SPTB: variants seen among roughly 807,000 people sequenced by gnomAD.
The protein encoded by SPTB is spectrin beta, erythrocytic, also known as spectrin beta chain, erythrocytic.
In SPTB, 45 loss-of-function variants were observed where a neutral mutation model predicts 256.2. The ratio of observed to expected loss-of-function variants is 0.18; its 90% confidence interval spans 0.14 to 0.23. The LOEUF (loss-of-function observed/expected upper bound fraction) is 0.23, where lower values mean the gene tolerates loss of function less well. Among genes scored for constraint, SPTB ranks in the 10% least tolerant of loss-of-function variants. The probability of loss-of-function intolerance (pLI) is 1.00; values close to 1 mark genes in which losing one functional copy is unlikely to be tolerated. For synonymous variants in SPTB, 1,231 were observed against 1,243.1 expected, an observed-to-expected ratio of 0.99 and a Z score of 0.21; for missense variants, 2,715 against 3,040.4, an observed-to-expected ratio of 0.89 and a Z score of 2.52.
In SPTB at chr14:64,824,197, G is replaced by A. The variant is rs944075087; in HGVS notation, c.-51-1052C>T. On this transcript the variant is annotated intron_variant, in intron 1 of 35. Coordinates refer to ENST00000644917, the MANE Select transcript of SPTB (RefSeq NM_001355436.2). The surrounding 1 kb of genome is among the most constrained non-coding windows in gnomAD (Gnocchi z 5.7). ...TCATGGCTGGCTTAGGTGGGGACTC[G>A]GCGGGGACTGGTATCAGGGAGGGGA... Among the ~76,000 whole-genome samples, 25 of 152,140 alleles carry A rather than the reference G, an allele frequency of 1.6e-4. No individual in the cohort carries two copies. Among genetic ancestry groups the A allele is most frequent in the African/African-American group, 5.6e-4 (23 of 41,420 alleles).
chr14:64,806,290 C>A lies in SPTB; in HGVS notation c.149-1200G>T, dbSNP rs2082982477. Among the ~76,000 whole-genome samples, 1 of 152,146 alleles carries A rather than the reference C, an allele frequency of 6.6e-6. No individual in the cohort carries two copies. Among genetic ancestry groups the A allele is most frequent in the African/African-American group, 2.4e-5 (1 of 41,426 alleles). On this transcript the variant is annotated intron_variant, in intron 2 of 35. Transcript: ENST00000644917. This position sits in a 1 kb window ranked among gnomAD's most constrained non-coding sequence, Gnocchi z 4.1. ...TTTGGTGGCAATTAGCTTCTGGGCA[C>A]TTAGGTTTGAAGATTCAGGGAAGGA...
rs1882197318 is a variant in SPTB at position 64,866,612 on chromosome 14, G to A, written c.-52+13180C>T. 6.6e-6 allele frequency among the ~76,000 whole-genome samples: 1 copy of A among 152,164 alleles called. No homozygotes were observed. Among genetic ancestry groups the A allele is most frequent in the Non-Finnish European group, 1.5e-5 (1 of 68,028 alleles). ...AGAGAGCGGCTGGATTGCAGTGGGA[G>A]TGCATCCATGACAGAGAGTTTTGTT... On this transcript the variant is annotated intron_variant, in intron 1 of 35. Transcript: ENST00000644917. The surrounding 1 kb of genome is among the most constrained non-coding windows in gnomAD (Gnocchi z 4.6).
Position 64,799,902 on chromosome 14 carries a change from C to A in SPTB, c.909G>T (p.Met303Ile). Residue 303 changes from methionine to isoleucine, a missense_variant, in exon 9 of 36, where the codon ATG becomes ATT. Around this residue, in one of 4 missense-constraint regions of SPTB, gnomAD observed 416 missense variants for 571.1 expected, o/e 0.73. Coordinates refer to ENST00000644917, the MANE Select transcript of SPTB (RefSeq NM_001355436.2). Reference sequence around the variant, plus strand: ...AGGCTAGCCCGCTGTACTTTTCAATCATCTTCTCAGTCTCAATGGCATGGT... The same window carrying A: ...AGGCTAGCCCGCTGTACTTTTCAATAATCTTCTCAGTCTCAATGGCATGGT... ...VIDHAIETEK[M>I]IEKYSGLASD... 1.2e-6 allele frequency: 2 copies of A among 1,614,252 alleles called. No individual in the cohort carries two copies. Among genetic ancestry groups the A allele is most frequent in the Non-Finnish European group, 1.7e-6 (2 of 1,180,054 alleles).
At position 64,749,261 on chromosome 14, in the gene SPTB, G is replaced by A. The variant is rs374987034; in HGVS notation, c.*45C>T. 3.6e-5 allele frequency: 56 copies of A among 1,540,344 alleles called. No individual in the cohort carries two copies. The highest frequency in any genetic ancestry group is 3.4e-4 in the African/African-American group (25 of 73,104). ...GAGGAGGCCAAGGCCTGGGCTGCCC[G>A]GTCTCTGCGCGTCCCGACTCCGCCG... On this transcript the variant is annotated 3_prime_UTR_variant, in exon 36 of 36. Coordinates refer to ENST00000644917, the MANE Select transcript of SPTB (RefSeq NM_001355436.2). This position sits in a 1 kb window ranked among gnomAD's most constrained non-coding sequence, Gnocchi z 4.7.
At chr14:64,871,165 T>C (rs971187740) in intron 1 of SPTB, among the ~76,000 whole-genome samples, 5 of 152,246 alleles carry the variant, frequency 3.3e-5, no homozygotes, top group Non-Finnish European at 7.3e-5. Flanking sequence ...ATAGGGTGCA[T>C]GTATCTAGCC....
Position 64,765,041 on chromosome 14 carries a change from TGC to T in SPTB, c.6345+1683_6345+1684del, listed in dbSNP as rs1555366153. 2.0e-3 allele frequency among the ~76,000 whole-genome samples: 233 copies of T among 116,898 alleles called. 1 individual carries two copies. Among genetic ancestry groups the T allele is most frequent in the East Asian group, 6.7e-3 (21 of 3,124 alleles). 76.7% of individuals were successfully genotyped at this position (116,898 alleles called of 152,430 possible). On this transcript the variant is annotated intron_variant, in intron 32 of 35. Transcript: ENST00000644917. The stretch of plus-strand genomic sequence containing the variant: ...GAGTGTGTGCGTGTGTGTGTGTGTG[TGC>T]GCGCGCGCGCGCGGGTGGTGGATGG...
intron 1 of SPTB, among the ~76,000 whole-genome samples, chr14:64,837,655 G>A (rs192294733): frequency 1.3e-5 from 2 of 152,264 alleles, no homozygotes; most frequent in Admixed American, 6.5e-5. Flanking sequence ...AGGCTGGAGT[G>A]CAGTGGTGCG....
rs921173080 is a variant in SPTB at position 64,773,160 on chromosome 14, G to A, written c.5178+60C>T. The A allele has an allele frequency of 1.2e-5, 19 of 1,605,422 alleles. No homozygotes were observed. In the Admixed American group the frequency reaches 1.9e-4, roughly 16 times the overall value. On this transcript the variant is annotated intron_variant, in intron 25 of 35. Transcript: ENST00000644917. ...CAGCACTCTGTGTGTCTTGAGTGACGGCTGGCTGCGTCTACCGCATTAGAG... is the reference window on the plus strand; with the variant it reads ...CAGCACTCTGTGTGTCTTGAGTGACAGCTGGCTGCGTCTACCGCATTAGAG...
chr14:64,752,252 T>C lies in SPTB; in HGVS notation c.6602+1285A>G, dbSNP rs1181211328. The C allele has an allele frequency of 2.2e-6, 3 of 1,347,032 alleles. No homozygotes were observed. The South Asian group carries it at 3.5e-5, about 16-fold the overall frequency. The allele number at this position is 1,347,032 out of a possible 1,614,324, so 83.4% of individuals were successfully genotyped here. A position where few individuals can be genotyped will look rare whatever the true frequency, so the allele number is the denominator to read the frequency against. ...GCTGCATTTCTACAGCAACAGACTC[T>C]GTTTCCTCCTCCTCTTCATCCTCCT... On this transcript the variant is annotated intron_variant, in intron 33 of 35. Coordinates refer to ENST00000644917, the MANE Select transcript of SPTB (RefSeq NM_001355436.2).
intron 33 of SPTB, among the ~76,000 whole-genome samples, chr14:64,750,854 T>C (rs1281845389): frequency 6.8e-6 from 1 of 146,970 alleles, no homozygotes; most frequent in East Asian, 1.9e-4. Context: ...ATATTTATTA[T>C]ATAACATATA....
intron 1 of SPTB, among the ~76,000 whole-genome samples, chr14:64,858,180 C>T (rs1220678536): frequency 6.6e-6 from 1 of 152,158 alleles, no homozygotes; most frequent in Non-Finnish European, 1.5e-5. Context: ...GGAGTTTCTA[C>T]TACAAATGAA....
Position 64,781,615 on chromosome 14 carries a change from T to C in SPTB, c.4266+675A>G, listed in dbSNP as rs145881357. Among the ~76,000 whole-genome samples, 299 of 152,312 alleles carry C rather than the reference T, an allele frequency of 2.0e-3. 1 individual carries two copies. Among genetic ancestry groups the C allele is most frequent in the African/African-American group, 6.7e-3 (280 of 41,570 alleles). On this transcript the variant is annotated intron_variant, in intron 20 of 35. Coordinates refer to ENST00000644917, the MANE Select transcript of SPTB (RefSeq NM_001355436.2). ...AAAGGGAACCCTTATACACCGTTGG[T>C]GGGAGTGTAAATTAGTTCAACCATT...
At chr14:64,859,828 TGAA>T (rs1367842071) in intron 1 of SPTB, among the ~76,000 whole-genome samples, 1 of 152,172 alleles carries the variant, frequency 6.6e-6, no homozygotes, top group Non-Finnish European at 1.5e-5. Flanking sequence ...AGGTGGATGA[TGAA>T]GAACTTTCAT....
chr14:64,827,531 T>C lies in SPTB; in HGVS notation c.-51-4386A>G, dbSNP rs751403869. Among the ~76,000 whole-genome samples, 12 of 152,156 alleles carry C rather than the reference T, an allele frequency of 7.9e-5. No homozygotes were observed. Among genetic ancestry groups the C allele is most frequent in the Non-Finnish European group, 1.6e-4 (11 of 68,022 alleles). On this transcript the variant is annotated intron_variant, in intron 1 of 35. Transcript: ENST00000644917. The surrounding 1 kb of genome is among the most constrained non-coding windows in gnomAD (Gnocchi z 4.6). Reference sequence around the variant, plus strand: ...GTATTGTGGCAACCCGGTCAGGAGATTAAATCCTGAAGTTTCTCTGGTAAT... The same window carrying C: ...GTATTGTGGCAACCCGGTCAGGAGACTAAATCCTGAAGTTTCTCTGGTAAT...
intron 1 of SPTB, among the ~76,000 whole-genome samples, chr14:64,869,973 G>A (rs887105061): frequency 2.6e-5 from 4 of 151,880 alleles, no homozygotes; most frequent in Non-Finnish European, 5.9e-5. Flanking sequence ...TCCCCTCCAT[G>A]TATAAAACAT....
intron 1 of SPTB, among the ~76,000 whole-genome samples, chr14:64,856,433 A>C (rs1057102353): frequency 2.0e-5 from 3 of 152,198 alleles, no homozygotes; most frequent in African/African-American, 7.2e-5. Context: ...GCTGCCCCTG[A>C]GCCATCAGCA....
intron 15 of SPTB, among the ~76,000 whole-genome samples, chr14:64,791,515 G>A (rs1312724380): frequency 7.1e-6 from 1 of 141,464 alleles, no homozygotes; most frequent in African/African-American, 2.7e-5. Context: ...GCAGTGAGCC[G>A]AGATCGCACC....
intron 24 of SPTB, among the ~76,000 whole-genome samples, chr14:64,773,767 C>T (rs911001): frequency 0.2 from 30,125 of 152,092 alleles, 3,131 homozygotes; most frequent in African/African-American, 0.25. Context: ...GTGGGGCTCC[C>T]GCAGCAACAG....
rs1032406116 is a variant in SPTB, at chr14:64,764,574, C to T, written c.6345+2152G>A. Among the ~76,000 whole-genome samples the T allele has an allele frequency of 6.6e-6, 1 of 152,238 alleles. No individual in the cohort carries two copies. The highest frequency in any genetic ancestry group is 1.5e-5 in the Non-Finnish European group (1 of 68,046). On this transcript the variant is annotated intron_variant, in intron 32 of 35. Coordinates refer to ENST00000644917, the MANE Select transcript of SPTB (RefSeq NM_001355436.2). This position sits in a 1 kb window ranked among gnomAD's most constrained non-coding sequence, Gnocchi z 4.2. ...CAAACAGGTTTTATTCCCCCCAACC[C>T]AGTGACATTCAGGTGTTGGCTGGAG... is the stretch of plus-strand genomic sequence containing the variant.
Sources: gnomAD v4.1 joint callset for allele counts (sites outside exome capture counted in the v4.1 genomes callset) on GRCh38, gnomAD v4.1.1 for gene constraint, gnomAD v4.1.1 regional missense constraint, Gnocchi (gnomAD v3.1) non-coding constraint, MANE v1.5 for transcripts, NCBI Gene and HGNC (gene_info 2026-07-23, HGNC 2026-07-21) for gene names.